MDGA2: variants seen among roughly 807,000 people sequenced by gnomAD.
MDGA2 encodes the protein MAM domain-containing glycosylphosphatidylinositol anchor protein 2.
A neutral mutation model predicts 117.8 loss-of-function variants in MDGA2; 40 were observed. That is an observed-to-expected ratio of 0.34 (90% CI 0.26 to 0.44). The LOEUF is 0.44. Among genes scored for constraint, MDGA2 ranks in the 20% least tolerant of loss-of-function variants. MDGA2 has a pLI of 1.00. For synonymous variants in MDGA2, 452 were observed against 439.0 expected (o/e 1.03, Z -0.37); for missense variants, 1,123 against 1,250.6 (o/e 0.90, Z 1.54).
At chr14:47,359,368 A>C (rs998977086) in intron 1 of MDGA2, among the ~76,000 whole-genome samples, 2 of 151,948 alleles carry the variant, frequency 1.3e-5, no homozygotes, top group Non-Finnish European at 2.9e-5. Flanking sequence ...CAAACAAACA[A>C]GCAAACAAAC....
chr14:47,338,630 G>A (rs1007670773), intron 1 of MDGA2, among the ~76,000 whole-genome samples: 14 of 151,942 alleles, frequency 9.2e-5, no homozygotes, highest in East Asian at 3.9e-4. Context: ...TAGTCAATCC[G>A]TCAAGTTAAG....
intron 7 of MDGA2, among the ~76,000 whole-genome samples, chr14:47,046,271 C>T (rs1889261468): frequency 6.6e-6 from 1 of 151,942 alleles, no homozygotes; most frequent in East Asian, 1.9e-4. Context: ...AAGAACTAGT[C>T]AACCTATAAC....
intron 8 of MDGA2, among the ~76,000 whole-genome samples, chr14:47,017,309 A>T (rs1288340659): frequency 6.6e-6 from 1 of 151,884 alleles, no homozygotes; most frequent in Non-Finnish European, 1.5e-5. Flanking sequence ...GAAAAAAAAA[A>T]AAAAGAAGAA....
rs375663247 is a variant in MDGA2, at chr14:47,430,234, G to C, written c.281-128684C>G. ...CCCAGTGAGAAGCACTTAGGGAACTGTTGCAGGAGATAATGGAAGTAAAGC... is the reference window on the plus strand; with the variant it reads ...CCCAGTGAGAAGCACTTAGGGAACTCTTGCAGGAGATAATGGAAGTAAAGC... On this transcript the variant is annotated intron_variant, in intron 1 of 16. Transcript: ENST00000399232. Among the ~76,000 whole-genome samples, 7 of 152,132 alleles carry C rather than the reference G, an allele frequency of 4.6e-5. No individual in the cohort carries two copies. In the South Asian group the frequency reaches 8.3e-4, roughly 18 times the overall value.
chr14:47,557,916 A>G (rs1202239490), intron 1 of MDGA2, among the ~76,000 whole-genome samples: 1 of 152,236 alleles, frequency 6.6e-6, no homozygotes, highest in Non-Finnish European at 1.5e-5. Context: ...AAACAGATCC[A>G]TAAGATGGGT....
At chr14:47,115,166 G>A (rs17118071) in intron 5 of MDGA2, among the ~76,000 whole-genome samples, 17,018 of 151,934 alleles carry the variant, frequency 0.11, 1,090 homozygotes, top group Admixed American at 0.11. Flanking sequence ...ACACATTCAA[G>A]CATTACAACT....
intron 1 of MDGA2, among the ~76,000 whole-genome samples, chr14:47,329,101 T>A (rs565948268): frequency 1.3e-4 from 20 of 152,224 alleles, no homozygotes; most frequent in African/African-American, 4.1e-4. Flanking sequence ...TTCAAATATA[T>A]ACATATATAT....
chr14:47,035,392 T>C, intron 7 of MDGA2, 88 bp from the exon 8 acceptor site: 1 of 1,070,322 alleles, frequency 9.3e-7, no homozygotes, highest in Admixed American at 2.5e-5. Context: ...AAACAATTTC[T>C]GCTGGCTGAA....
At chr14:47,178,152 G>A (rs1265547153) in intron 3 of MDGA2, among the ~76,000 whole-genome samples, 1 of 152,006 alleles carries the variant, frequency 6.6e-6, no homozygotes, top group Non-Finnish European at 1.5e-5. Context: ...AAAAGTTAAA[G>A]GCATTAAGTA....
chr14:46,959,476 TA>T (rs1885706299), intron 8 of MDGA2, among the ~76,000 whole-genome samples: 1 of 152,126 alleles, frequency 6.6e-6, no homozygotes, highest in Non-Finnish European at 1.5e-5. Flanking sequence ...GCACCTCTTT[TA>T]AACATCATGA....
chr14:47,457,801 C>A lies in MDGA2; in HGVS notation c.281-156251G>T, dbSNP rs948162865. 1.1e-4 allele frequency among the ~76,000 whole-genome samples: 11 copies of A among 102,288 alleles called. No individual in the cohort carries two copies. In the East Asian group the frequency reaches 3.8e-3, roughly 35 times the overall value. 67.1% of individuals were successfully genotyped at this position (102,288 alleles called of 152,430 possible). On this transcript the variant is annotated intron_variant, in intron 1 of 16. Coordinates refer to ENST00000399232, the MANE Select transcript of MDGA2 (RefSeq NM_001113498.3). ...GATTTTCCTTCTCAGGCCACAGAGT[C>A]ATTTTTTTCTGTTTTTTTTTTTTGT...
At chr14:47,509,902 G>T (rs1239368440) in intron 1 of MDGA2, among the ~76,000 whole-genome samples, 1 of 152,194 alleles carries the variant, frequency 6.6e-6, no homozygotes, top group Non-Finnish European at 1.5e-5. Flanking sequence ...ATCAAATGAT[G>T]TTTAGATTAG....
At chr14:47,090,804 G>A (rs1879607666) in intron 6 of MDGA2, among the ~76,000 whole-genome samples, 1 of 152,154 alleles carries the variant, frequency 6.6e-6, no homozygotes, top group South Asian at 2.1e-4. Context: ...AAAGAGACAA[G>A]AATGAGAGAG....
At chr14:47,280,055 TC>T in intron 2 of MDGA2, among the ~76,000 whole-genome samples, 1 of 151,738 alleles carries the variant, frequency 6.6e-6, no homozygotes, top group African/African-American at 2.4e-5. Context: ...ACGCCTATAA[TC>T]CCATCTGAGC....
chr14:47,034,151 T>C (rs1888758234), intron 8 of MDGA2, among the ~76,000 whole-genome samples: 1 of 152,216 alleles, frequency 6.6e-6, no homozygotes, highest in South Asian at 2.1e-4. Context: ...TTTAGTTTTC[T>C]TCTTTTTCAG....
In MDGA2 at chr14:47,408,056, CT is replaced by C. The variant is rs56285818; in HGVS notation, c.281-106507del. ...TGAGCCTTAAAATAGGGAGATTATT[CT>C]TTTTTTTTTTTTTTTTTTTGGTGGC... On this transcript the variant is annotated intron_variant, in intron 1 of 16. Transcript: ENST00000399232. Among the ~76,000 whole-genome samples, 764 of 115,138 alleles carry C rather than the reference CT, an allele frequency of 6.6e-3. 2 individuals are homozygous for C. Among genetic ancestry groups the C allele is most frequent in the East Asian group, 0.066 (245 of 3,714 alleles). 75.5% of individuals were successfully genotyped at this position (115,138 alleles called of 152,430 possible). A position where few individuals can be genotyped will look rare whatever the true frequency, so the allele number is the denominator to read the frequency against.
chr14:47,432,080 C>T (rs962357691), intron 1 of MDGA2, among the ~76,000 whole-genome samples: 1 of 152,004 alleles, frequency 6.6e-6, no homozygotes, highest in Non-Finnish European at 1.5e-5. Flanking sequence ...TCTATTAGAT[C>T]AAAATACTCT....
chr14:47,304,585 C>T (rs1261709072), intron 1 of MDGA2, among the ~76,000 whole-genome samples: 1 of 152,142 alleles, frequency 6.6e-6, no homozygotes, highest in East Asian at 1.9e-4. Context: ...CATCATCCTA[C>T]CTCCAGTACC....
At chr14:47,193,117 T>G (rs1047897691) in intron 3 of MDGA2, among the ~76,000 whole-genome samples, 1 of 152,222 alleles carries the variant, frequency 6.6e-6, no homozygotes, top group Non-Finnish European at 1.5e-5. Context: ...AGTATTATCT[T>G]TCTTGGAAAA....
Sources: gnomAD v4.1 joint callset for allele counts (sites outside exome capture counted in the v4.1 genomes callset) on GRCh38, gnomAD v4.1.1 for gene constraint, MANE v1.5 for transcripts, NCBI Gene and HGNC (gene_info 2026-07-23, HGNC 2026-07-21) for gene names.